Variants in ABCC1 observed in about 807,000 individuals in gnomAD.
The protein encoded by ABCC1 is ATP binding cassette subfamily C member 1 (ABCC1 blood group).
In ABCC1, 83 loss-of-function variants were observed where a neutral mutation model predicts 172.9. The observed-to-expected ratio is 0.48, with a 90% CI of 0.40 to 0.58. ABCC1 has a LOEUF of 0.58. Among genes scored for constraint, ABCC1 ranks in the 20% least tolerant of loss-of-function variants. ABCC1 has a pLI of 0.00. For missense variants in ABCC1, 1,817 were observed against 2,002.7 expected (o/e 0.91, Z 1.77); for synonymous variants, 937 against 825.2 (o/e 1.14, Z -2.32).
intron 26 of ABCC1, among the ~76,000 whole-genome samples, chr16:16,128,976 C>CA (rs1418829292): frequency 1.3e-5 from 2 of 152,084 alleles, no homozygotes; most frequent in Non-Finnish European, 1.5e-5. Flanking sequence ...GCCTGGGTGA[C>CA]AGAGTGAGAC....
At chr16:16,109,434 C>T (rs1165441128) in intron 21 of ABCC1, among the ~76,000 whole-genome samples, 1 of 152,152 alleles carries the variant, frequency 6.6e-6, no homozygotes, top group Non-Finnish European at 1.5e-5. Context: ...GCCTTGGCCT[C>T]CCAAAGTGCT....
intron 30 of ABCC1, among the ~76,000 whole-genome samples, chr16:16,138,930 G>A (rs1014093201): frequency 5.3e-5 from 8 of 152,110 alleles, no homozygotes; most frequent in South Asian, 2.1e-4. Flanking sequence ...GGCTGGTCTC[G>A]AACTCCTGAC....
intron 3 of ABCC1, 139 bp downstream of exon 3, chr16:16,010,040 T>TTTTTTTTTTC: frequency 2.2e-6 from 1 of 447,504 alleles, no homozygotes; most frequent in Non-Finnish European, 3.3e-6. Context: ...ATGTAGCCTT[T>TTTTTTTTTTC]TTTTTTTTTT....
At chr16:16,007,214 T>TTGTGTGTGTGTGTGTGTGTGTGTGTGTG (rs71388788) in intron 1 of ABCC1, among the ~76,000 whole-genome samples, 2 of 145,774 alleles carry the variant, frequency 1.4e-5, no homozygotes, top group African/African-American at 5.2e-5. Flanking sequence ...GTATGCACTG[T>TTGTGTGTGTGTGTGTGTGTGTGTGTGTG]TGTGTGTGTG....
intron 7 of ABCC1, among the ~76,000 whole-genome samples, chr16:16,040,064 TTGTATGTA>T (rs10543561): frequency 0.024 from 3,289 of 134,810 alleles, 132 homozygotes; most frequent in African/African-American, 0.085. Context: ...GTTTGTTTGT[TTGTATGTA>T]TGTATGTATG....
intron 1 of ABCC1, among the ~76,000 whole-genome samples, chr16:15,978,326 C>T (rs556906386): frequency 1.3e-5 from 2 of 152,216 alleles, no homozygotes; most frequent in South Asian, 4.1e-4. Context: ...TGATTGCACA[C>T]GACTGCTTTC....
intron 21 of ABCC1, among the ~76,000 whole-genome samples, chr16:16,109,961 T>G (rs1000046042): frequency 1.3e-5 from 2 of 152,174 alleles, no homozygotes; most frequent in African/African-American, 4.8e-5. Flanking sequence ...CAGCCTCTTG[T>G]TCCTTGCTGC....
At position 16,014,530 on chromosome 16, in the gene ABCC1, G is replaced by A. The variant is rs1157102286; in HGVS notation, c.391G>A (p.Gly131Arg). 4 of 1,614,004 alleles carry A rather than the reference G, an allele frequency of 2.5e-6. No individual in the cohort carries two copies. The highest frequency in any genetic ancestry group is 3.4e-6 in the Non-Finnish European group (4 of 1,180,026). ...TTTAATTCAGCTGGAGAGGAGGAAG[G>A]GAGTTCAGTCTTCAGGGATCATGCT... The part of the protein sequence containing the change: ...TFLIQLERRK[G>R]VQSSGIMLTF... Residue 131 changes from glycine (G) to arginine (R), a missense_variant, in exon 4 of 31, where the codon GGA (glycine) becomes AGA (arginine). Transcript: ENST00000399410.
At chr16:16,018,224 G>A (rs2048073913) in intron 5 of ABCC1, among the ~76,000 whole-genome samples, 1 of 152,088 alleles carries the variant, frequency 6.6e-6, no homozygotes, top group Non-Finnish European at 1.5e-5. Flanking sequence ...GTATGGAGGA[G>A]GAGGTTGATG....
intron 16 of ABCC1, 46 bp from the exon 17 acceptor site, chr16:16,083,320 A>C (rs1596474207): frequency 6.3e-7 from 1 of 1,591,230 alleles, no homozygotes; most frequent in East Asian, 2.2e-5. Context: ...CGTTGATCAG[A>C]TCTGTCTGTG....
chr16:16,030,720 A>G (rs943320504), intron 5 of ABCC1, among the ~76,000 whole-genome samples: 3 of 151,742 alleles, frequency 2.0e-5, no homozygotes, highest in Non-Finnish European at 4.4e-5. Context: ...CTTACCTTGC[A>G]TATTTCCTGC....
At position 16,114,735 on chromosome 16, in the gene ABCC1, A is replaced by G. The variant is rs759498041; in HGVS notation, c.3080-31A>G. On this transcript the variant is annotated intron_variant, in intron 22 of 30. Transcript: ENST00000399410. Reference sequence around the variant, plus strand: ...AGTGCCTGGTCAGCTCCCTCTCTGCATTGTGGAGTTTTAACTCCGAGTGTC... The same window carrying G: ...AGTGCCTGGTCAGCTCCCTCTCTGCGTTGTGGAGTTTTAACTCCGAGTGTC... The G allele has an allele frequency of 4.5e-6, 7 of 1,560,364 alleles. No homozygotes were observed. In the African/African-American group the frequency reaches 5.4e-5, roughly 12 times the overall value.
In ABCC1 at chr16:16,044,551, C is replaced by A. The variant is rs773182416; in HGVS notation, c.911C>A (p.Ser304Tyr). The change falls in exon 8 of 31, where the codon TCC (serine) becomes TAC (tyrosine). Residue 304 changes from serine (S) to tyrosine (Y), a missense_variant. Coordinates refer to ENST00000399410, the MANE Select transcript of ABCC1 (RefSeq NM_004996.4). Reference sequence around the variant, plus strand: ...GAGGTGGAGGCTTTGATCGTCAAGTCCCCACAGAAGGAGTGGAACCCCTCT... The same window carrying A: ...GAGGTGGAGGCTTTGATCGTCAAGTACCCACAGAAGGAGTGGAACCCCTCT... ...NEEVEALIVKSPQKEWNPSLF... is the reference protein window; with the variant it reads ...NEEVEALIVKYPQKEWNPSLF... 2 of 1,614,136 alleles carry A rather than the reference C, an allele frequency of 1.2e-6. No individual in the cohort carries two copies. Among genetic ancestry groups the A allele is most frequent in the Admixed American group, 3.3e-5 (2 of 60,008 alleles).
chr16:15,992,445 G>A (rs938198569), intron 1 of ABCC1, among the ~76,000 whole-genome samples: 1 of 152,160 alleles, frequency 6.6e-6, no homozygotes, highest in Non-Finnish European at 1.5e-5. Context: ...TGTTGCCCAG[G>A]CTGGAGTGCA....
chr16:15,972,725 C>T (rs1482369521), intron 1 of ABCC1, among the ~76,000 whole-genome samples: 1 of 149,804 alleles, frequency 6.7e-6, no homozygotes, highest in Non-Finnish European at 1.5e-5. Flanking sequence ...TAGGAGGAAA[C>T]AGCAAGGGAG....
chr16:16,103,937 G>A (rs2051916147), intron 20 of ABCC1, among the ~76,000 whole-genome samples: 2 of 152,130 alleles, frequency 1.3e-5, no homozygotes, highest in South Asian at 2.1e-4. Flanking sequence ...CTGCTGTTCG[G>A]ATGTGTTCGG....
chr16:15,990,339 A>C (rs1289185885), intron 1 of ABCC1, among the ~76,000 whole-genome samples: 1 of 152,114 alleles, frequency 6.6e-6, no homozygotes, highest in Non-Finnish European at 1.5e-5. Context: ...GAGCCATCAC[A>C]CCCGGCCATC....
At chr16:15,954,500 G>T (rs569122253) in intron 1 of ABCC1, among the ~76,000 whole-genome samples, 1 of 152,074 alleles carries the variant, frequency 6.6e-6, no homozygotes, top group Non-Finnish European at 1.5e-5. Context: ...AGGGTGCAAG[G>T]TGGCAAGGTG....
At chr16:16,076,929 A>G (rs549783055) in intron 15 of ABCC1, among the ~76,000 whole-genome samples, 1 of 152,202 alleles carries the variant, frequency 6.6e-6, no homozygotes, top group Non-Finnish European at 1.5e-5. Context: ...GCCTTCAGAC[A>G]CTGAGTGTGC....
Sources: gnomAD v4.1 joint callset for allele counts (sites outside exome capture counted in the v4.1 genomes callset) on GRCh38, gnomAD v4.1.1 for gene constraint, MANE v1.5 for transcripts, NCBI Gene and HGNC (gene_info 2026-07-23, HGNC 2026-07-21) for gene names.